Variants in ACBD6 observed in about 807,000 individuals in gnomAD.
The protein encoded by ACBD6 is acyl-CoA binding domain containing 6, also known as acyl-CoA-binding domain-containing protein 6.
Under a neutral mutation model 37.2 loss-of-function variants are expected in ACBD6, and 28 were observed. The ratio of observed to expected loss-of-function variants is 0.75; its 90% CI spans 0.56 to 1.03. The LOEUF (loss-of-function observed/expected upper bound fraction) is 1.03, where lower values mean the gene tolerates loss of function less well. Ranked by LOEUF, ACBD6 falls within the 50% of genes least tolerant of loss-of-function variation. ACBD6 has a pLI of 0.00. For missense variants in ACBD6, 340 were observed against 337.4 expected (o/e 1.01, Z -0.06); for synonymous variants, 113 against 126.8 (o/e 0.89, Z 0.73).
At chr1:180,395,503 C>T (rs12567791) in intron 6 of ACBD6, among the ~76,000 whole-genome samples, 2 of 151,874 alleles carry the variant, frequency 1.3e-5, no homozygotes, top group Non-Finnish European at 2.9e-5. Context: ...TTTCCAGAAC[C>T]TAAGTGTAAA....
In ACBD6 at chr1:180,466,707, T is replaced by C. The variant is rs539222920; in HGVS notation, c.384+25562A>G. Among the ~76,000 whole-genome samples, 7 of 152,316 alleles carry C rather than the reference T, an allele frequency of 4.6e-5. No homozygotes were observed. The East Asian group carries it at 1.2e-3, about 25-fold the overall frequency. ...AAATGTCCATTATATAGCTCATGAA[T>C]GTCAAAAACTTTATCTGCTGTCATT... is the stretch of plus-strand genomic sequence containing the variant. On this transcript the variant is annotated intron_variant, in intron 3 of 7. Transcript: ENST00000367595.
intron 6 of ACBD6, among the ~76,000 whole-genome samples, chr1:180,317,624 G>C (rs953015642): frequency 2.0e-5 from 3 of 152,166 alleles, no homozygotes; most frequent in Admixed American, 2.0e-4. Context: ...AAGAGAATAA[G>C]TATTCACAAA....
At chr1:180,405,594 A>C (rs1350763540) in intron 5 of ACBD6, among the ~76,000 whole-genome samples, 1 of 152,200 alleles carries the variant, frequency 6.6e-6, no homozygotes, top group Non-Finnish European at 1.5e-5. Flanking sequence ...ACACTGTTAC[A>C]TTTGATCTAA....
At chr1:180,476,342 T>C (rs1311700291) in intron 3 of ACBD6, among the ~76,000 whole-genome samples, 2 of 152,160 alleles carry the variant, frequency 1.3e-5, no homozygotes, top group East Asian at 1.9e-4. Context: ...TGTAAATAAC[T>C]CCCACAAGCT....
At chr1:180,408,372 A>G (rs1000508161) in intron 5 of ACBD6, among the ~76,000 whole-genome samples, 13 of 152,240 alleles carry the variant, frequency 8.5e-5, no homozygotes, top group African/African-American at 3.1e-4. Context: ...CTTTGTAGGG[A>G]CATGGATGAA....
intron 4 of ACBD6, among the ~76,000 whole-genome samples, chr1:180,427,160 C>T (rs1286913149): frequency 6.6e-6 from 1 of 152,136 alleles, no homozygotes; most frequent in African/African-American, 2.4e-5. Context: ...ACACATTCGT[C>T]AGAAAAGCTG....
intron 6 of ACBD6, among the ~76,000 whole-genome samples, chr1:180,362,096 G>A (rs1249719311): frequency 5.9e-5 from 9 of 152,132 alleles, no homozygotes; most frequent in African/African-American, 1.9e-4. Flanking sequence ...ACTAAAATGA[G>A]AGAAATGTAC....
intron 6 of ACBD6, among the ~76,000 whole-genome samples, chr1:180,344,272 C>G (rs1652090925): frequency 6.6e-6 from 1 of 152,042 alleles, no homozygotes; most frequent in Admixed American, 6.5e-5. Context: ...CAGGTGGCAA[C>G]TTGTAGACAT....
chr1:180,460,435 T>C (rs1309532617), intron 3 of ACBD6, among the ~76,000 whole-genome samples: 1 of 152,200 alleles, frequency 6.6e-6, no homozygotes, highest in Non-Finnish European at 1.5e-5. Flanking sequence ...GCTAGACTGC[T>C]TCTTTAAGCA....
chr1:180,434,486 T>C (rs56333717), intron 3 of ACBD6, among the ~76,000 whole-genome samples: 19 of 152,190 alleles, frequency 1.2e-4, no homozygotes, highest in Non-Finnish European at 8.8e-5. Flanking sequence ...AAGATCTGAA[T>C]AGGAAACAAT....
chr1:180,354,190 T>G (rs1158469424), intron 6 of ACBD6, among the ~76,000 whole-genome samples: 1 of 152,238 alleles, frequency 6.6e-6, no homozygotes, highest in East Asian at 1.9e-4. Context: ...AGTCATTGAT[T>G]GGATTAACAG....
At chr1:180,378,544 G>T (rs2101924469) in intron 6 of ACBD6, among the ~76,000 whole-genome samples, 1 of 152,318 alleles carries the variant, frequency 6.6e-6, no homozygotes, top group African/African-American at 2.4e-5. Flanking sequence ...GTAGTATACA[G>T]GAACTCTGCA....
chr1:180,414,937 C>T (rs551162573), intron 4 of ACBD6, among the ~76,000 whole-genome samples: 107 of 152,142 alleles, frequency 7.0e-4, no homozygotes, highest in Non-Finnish European at 1.4e-3. Context: ...CCACGTTAGC[C>T]ATATTTAACC....
intron 3 of ACBD6, among the ~76,000 whole-genome samples, chr1:180,458,893 A>C (rs1421595025): frequency 6.6e-6 from 1 of 152,260 alleles, no homozygotes; most frequent in Non-Finnish European, 1.5e-5. Context: ...CATTATTTAA[A>C]AAAAGGCATA....
In ACBD6 at chr1:180,358,150, C is replaced by T. The variant is rs138314759; in HGVS notation, c.663+39366G>A. Among the ~76,000 whole-genome samples the T allele has an allele frequency of 4.7e-3, 723 of 152,250 alleles. 4 individuals are homozygous for T. The highest frequency in any genetic ancestry group is 0.014 in the African/African-American group (585 of 41,544). On this transcript the variant is annotated intron_variant, in intron 6 of 7. Coordinates refer to ENST00000367595, the MANE Select transcript of ACBD6 (RefSeq NM_032360.4). The stretch of plus-strand genomic sequence containing the variant: ...TAATACAAAAACAGCACTTTAGGGC[C>T]GAGTGCGGTGGCTCACGCCTGTAAT...
chr1:180,294,260 C>T (rs976458784), intron 7 of ACBD6, among the ~76,000 whole-genome samples: 2 of 151,940 alleles, frequency 1.3e-5, no homozygotes, highest in Non-Finnish European at 2.9e-5. Context: ...TGGCCAGGTG[C>T]GGTGGCTCTT....
At chr1:180,495,619 T>C (rs887395381) in intron 1 of ACBD6, 94 bp from the exon 2 acceptor site, 26 of 973,380 alleles carry the variant, frequency 2.7e-5, no homozygotes, top group Admixed American at 1.5e-4. Context: ...TCAGTAACCA[T>C]AGGTTGGAAA....
chr1:180,489,439 A>C (rs905941298), intron 3 of ACBD6, among the ~76,000 whole-genome samples: 3 of 151,368 alleles, frequency 2.0e-5, no homozygotes, highest in Non-Finnish European at 2.9e-5. Flanking sequence ...CTGGATTCCA[A>C]TGTTAAAATA....
rs61307556 is a variant in ACBD6, at chr1:180,330,421, A to AAAAC, written c.664-15703_664-15700dup. ...GGCAACAGAGTGACACTCTGTTTCA[A>AAAAC]AAACAAACAAACAAACAAACAAACA... On this transcript the variant is annotated intron_variant, in intron 6 of 7. Transcript: ENST00000367595. 8.0e-3 allele frequency among the ~76,000 whole-genome samples: 1,208 copies of AAAAC among 151,816 alleles called. 14 individuals carry two copies. Among genetic ancestry groups the AAAAC allele is most frequent in the African/African-American group, 0.024 (1,007 of 41,360 alleles).
Sources: allele counts gnomAD v4.1 joint callset (sites outside exome capture counted in the v4.1 genomes callset), GRCh38; gene constraint gnomAD v4.1.1; transcripts MANE v1.5; gene names NCBI Gene and HGNC (gene_info 2026-07-23, HGNC 2026-07-21).